ZNF540: variants seen among roughly 807,000 people sequenced by gnomAD.
The protein encoded by ZNF540 is CTD-3064H18.6.
A neutral mutation model predicts 11.8 loss-of-function variants in ZNF540; 3 were observed. That is an observed-to-expected ratio of 0.25 (90% CI 0.12 to 0.65). The LOEUF is 0.65. Ranked by LOEUF, ZNF540 falls within the 30% of genes least tolerant of loss-of-function variation. The pLI is 0.83. For missense variants in ZNF540, 709 were observed against 793.1 expected (o/e 0.89, Z 1.27); for synonymous variants, 247 against 259.0 (o/e 0.95, Z 0.45).
intron 1 of ZNF540, chr19:37,556,062 C>A (rs749889569): frequency 1.4e-6 from 1 of 702,724 alleles, no homozygotes; most frequent in Admixed American, 2.0e-5. Context: ...GCTTCCACAT[C>A]CAGTTTGGCT....
chr19:37,576,712 G>A (rs1031303788), intron 1 of ZNF540, among the ~76,000 whole-genome samples: 1 of 152,122 alleles, frequency 6.6e-6, no homozygotes, highest in Non-Finnish European at 1.5e-5. Flanking sequence ...AATAAACTAT[G>A]AAAGTGATTT....
intron 1 of ZNF540, among the ~76,000 whole-genome samples, chr19:37,577,784 G>A (rs988624058): frequency 6.6e-6 from 1 of 152,216 alleles, no homozygotes; most frequent in Non-Finnish European, 1.5e-5. Flanking sequence ...CAAGATGGCT[G>A]ACTAGAAGCA....
chr19:37,564,368 A>C, intron 1 of ZNF540: 1 of 367,222 alleles, frequency 2.7e-6, no homozygotes, highest in Non-Finnish European at 4.8e-6. Context: ...CAGTTAGGAT[A>C]TGGTGAAATG....
chr19:37,573,600 G>A (rs897728432), intron 1 of ZNF540, among the ~76,000 whole-genome samples: 7 of 151,220 alleles, frequency 4.6e-5, no homozygotes, highest in Non-Finnish European at 8.8e-5. Context: ...GCTGAGTCAG[G>A]AGGATCGCTT....
chr19:37,584,383 C>A (rs967192550), intron 1 of ZNF540, among the ~76,000 whole-genome samples: 1 of 152,180 alleles, frequency 6.6e-6, no homozygotes, highest in Non-Finnish European at 1.5e-5. Flanking sequence ...TTCTTCACAA[C>A]AGGTTTTAAT....
At chr19:37,566,948 CT>C (rs1227271803) in intron 1 of ZNF540, among the ~76,000 whole-genome samples, 2 of 152,150 alleles carry the variant, frequency 1.3e-5, no homozygotes, top group Non-Finnish European at 2.9e-5. Context: ...ACTTTGGCCA[CT>C]TTTCTGATAT....
intron 1 of ZNF540, chr19:37,583,840 CGGT>C (rs1401181646): frequency 3.5e-6 from 3 of 867,504 alleles, no homozygotes; most frequent in African/African-American, 1.7e-5. Context: ...AAAAGGTACA[CGGT>C]GGAGCTGTCC....
At chr19:37,554,724 C>G (rs904123891) in intron 1 of ZNF540, 3 of 152,214 alleles carry the variant, frequency 2.0e-5, no homozygotes, top group Admixed American at 2.0e-4. Context: ...ATCACCAAGA[C>G]TCTTTTACAG....
chr19:37,611,474 A>G (rs1345824197), intron 4 of ZNF540, 39 bp from the exon 5 acceptor site: 3 of 1,503,976 alleles, frequency 2.0e-6, no homozygotes, highest in Admixed American at 2.2e-5. Flanking sequence ...TGCTGGCTAC[A>G]GGAAAATAAT....
At chr19:37,561,140 T>C (rs953901404) in intron 1 of ZNF540, among the ~76,000 whole-genome samples, 1 of 150,962 alleles carries the variant, frequency 6.6e-6, no homozygotes, top group Admixed American at 6.6e-5. Flanking sequence ...ACTTGGAAGG[T>C]TGAAGCAGGA....
At position 37,612,694 on chromosome 19, in the gene ZNF540, T is replaced by A. The variant is rs776844848; in HGVS notation, c.1414T>A (p.Cys472Ser). Reference protein sequence around the residue: ...TGVKPYECKECGKTFRVRSQI... With the variant: ...TGVKPYECKESGKTFRVRSQI... ...TGTGAAGCCCTACGAATGTAAGGAA[T>A]GTGGGAAGACCTTTCGAGTTCGTTC... is the stretch of plus-strand genomic sequence containing the variant. The change falls in exon 5 of 5, where the codon TGT (cysteine) becomes AGT (serine). Residue 472 changes from cysteine (C) to serine (S), a missense_variant. Cys to Ser is a moderately radical substitution (Grantham distance 112, BLOSUM62 -1). Coordinates refer to ENST00000316433, the MANE Select transcript of ZNF540 (RefSeq NM_001172225.3). 1.2e-5 allele frequency: 19 copies of A among 1,614,022 alleles called. No individual in the cohort carries two copies. The highest frequency in any genetic ancestry group is 1.6e-5 in the Non-Finnish European group (19 of 1,180,022).
At position 37,601,105 on chromosome 19, in the gene ZNF540, G is replaced by T; in HGVS notation, c.232G>T (p.Gly78Cys). Residue 78 changes from glycine to cysteine, a missense_variant and splice_region_variant, in exon 4 of 5, where the codon GGT (glycine) becomes TGT (cysteine). By Grantham distance (159) the Gly-to-Cys change is radical (BLOSUM62 -3). Coordinates refer to ENST00000316433, the MANE Select transcript of ZNF540 (RefSeq NM_001172225.3). Reference sequence around the variant, plus strand: ...GGATGTGACAGGAAGACAGTGCCCCGGTGAGTTGAGAGTTCATCAGGCAGA... The same window carrying T: ...GGATGTGACAGGAAGACAGTGCCCCTGTGAGTTGAGAGTTCATCAGGCAGA... ...ARDVTGRQCPGLLSRHKTKKL... is the reference protein window; with the variant it reads ...ARDVTGRQCPCLLSRHKTKKL... 6.4e-7 allele frequency: 1 copy of T among 1,570,446 alleles called. No homozygotes were observed. Among genetic ancestry groups the T allele is most frequent in the South Asian group, 1.2e-5 (1 of 85,414 alleles).
At chr19:37,555,694 G>T (rs568633620) in intron 1 of ZNF540, 1 of 591,162 alleles carries the variant, frequency 1.7e-6, no homozygotes, top group Middle Eastern at 4.5e-4. Context: ...TTAAAGGCCC[G>T]ATTGGCTTGG....
chr19:37,573,743 G>C (rs1422107633), intron 1 of ZNF540, among the ~76,000 whole-genome samples: 3 of 150,942 alleles, frequency 2.0e-5, no homozygotes, highest in Non-Finnish European at 4.4e-5. Context: ...GCTAAGGTGG[G>C]AGGATCACTT....
intron 1 of ZNF540, 142 bp from the exon 2 acceptor site, chr19:37,598,234 G>A: frequency 1.8e-6 from 1 of 568,838 alleles, no homozygotes; most frequent in Non-Finnish European, 3.2e-6. Flanking sequence ...GCTGTGGTGA[G>A]TGTGTCGGAG....
rs1418329406 is a variant in ZNF540, at chr19:37,611,493, G to A, written c.233-20G>A. The A allele has an allele frequency of 3.9e-6, 6 of 1,547,676 alleles. No homozygotes were observed. Among genetic ancestry groups the A allele is most frequent in the Non-Finnish European group, 3.5e-6 (4 of 1,151,578 alleles). The stretch of plus-strand genomic sequence containing the variant: ...GGCTACAGGAAAATAATTTTTGTTT[G>A]CTTTTATGTTTTCTTTCAGGTTTGT... On this transcript the variant is annotated intron_variant, in intron 4 of 4. Transcript: ENST00000316433.
At chr19:37,578,895 A>C (rs924013883) in intron 1 of ZNF540, among the ~76,000 whole-genome samples, 11 of 152,142 alleles carry the variant, frequency 7.2e-5, no homozygotes, top group African/African-American at 2.7e-4. Context: ...AACAGATAAC[A>C]CTTGGCACCT....
In ZNF540 at chr19:37,612,295, T is replaced by C. The variant is rs753186166; in HGVS notation, c.1015T>C (p.Cys339Arg). ...CKECGKAFSV[C>R]GQLTRHQKIH... ...GGAGTGTGGGAAAGCTTTTAGTGTA[T>C]GCGGACAACTTACCCGTCATCAGAA... is the stretch of plus-strand genomic sequence containing the variant. The change falls in exon 5 of 5, where the codon TGC becomes CGC. Residue 339 changes from cysteine to arginine, a missense_variant. Physicochemically the swap from Cys to Arg is radical, Grantham distance 180 (BLOSUM62 -3). Coordinates refer to ENST00000316433, the MANE Select transcript of ZNF540 (RefSeq NM_001172225.3). 1 of 1,613,476 alleles carries C rather than the reference T, an allele frequency of 6.2e-7. No homozygotes were observed. Among genetic ancestry groups the C allele is most frequent in the African/African-American group, 1.3e-5 (1 of 74,762 alleles).
At chr19:37,573,033 A>G (rs2043119488) in intron 1 of ZNF540, among the ~76,000 whole-genome samples, 3 of 152,196 alleles carry the variant, frequency 2.0e-5, no homozygotes, top group African/African-American at 7.2e-5. Context: ...CTTCAATGTG[A>G]TACATACTTT....
Sources: allele counts gnomAD v4.1 joint callset (sites outside exome capture counted in the v4.1 genomes callset), GRCh38; gene constraint gnomAD v4.1.1; transcripts MANE v1.5; gene names NCBI Gene and HGNC (gene_info 2026-07-23, HGNC 2026-07-21).